The following IKBKB-DT variants were observed in gnomAD, a reference collection of about 807,000 sequenced individuals.
IKBKB-DT encodes the protein IKBKB divergent transcript.
At chr8:42,247,082 A>C (rs1457685019) in intron 3 of IKBKB-DT, among the ~76,000 whole-genome samples, 1 of 152,278 alleles carries the variant, frequency 6.6e-6, no homozygotes, top group East Asian at 1.9e-4. Flanking sequence ...AAAATGGTAG[A>C]TCCACCGACA....
rs184748109 is a variant in IKBKB-DT at position 42,245,032 on chromosome 8, G to A, written n.1530-11173C>T. 3.7e-3 allele frequency among the ~76,000 whole-genome samples: 558 copies of A among 152,028 alleles called. 6 individuals are homozygous for A. The highest frequency in any genetic ancestry group is 0.013 in the African/African-American group (521 of 41,450). ...TGGGAGGCCAAGGCAGGAGGATCAC[G>A]AGGTCAGGAGATTGAGACCATCCTG... is the stretch of plus-strand genomic sequence containing the variant. On this transcript the variant is annotated intron_variant and non_coding_transcript_variant, in intron 3 of 3. Transcript: ENST00000518213.
chr8:42,238,581 C>T (rs1163876425), intron 3 of IKBKB-DT, among the ~76,000 whole-genome samples: 3 of 152,150 alleles, frequency 2.0e-5, no homozygotes, highest in Admixed American at 6.5e-5. Context: ...TCCTATAATC[C>T]TTTACTGGTT....
chr8:42,242,998 A>G (rs557258532), intron 3 of IKBKB-DT, among the ~76,000 whole-genome samples: 1 of 152,364 alleles, frequency 6.6e-6, no homozygotes, highest in Admixed American at 6.5e-5. Flanking sequence ...AAGCCAGCTT[A>G]GGGGAAGAAG....
chr8:42,261,957 C>T (rs986892342), intron 3 of IKBKB-DT, among the ~76,000 whole-genome samples: 2 of 152,178 alleles, frequency 1.3e-5, no homozygotes, highest in Admixed American at 6.6e-5. Context: ...CCTCAGCAGG[C>T]GGATAGTCAT....
intron 3 of IKBKB-DT, among the ~76,000 whole-genome samples, chr8:42,247,001 G>C (rs771215948): frequency 2.6e-5 from 4 of 152,222 alleles, no homozygotes; most frequent in Non-Finnish European, 5.9e-5. Flanking sequence ...GGCCGCCACT[G>C]ATCTGACAGG....
At chr8:42,252,660 C>T (rs1350801292) in intron 3 of IKBKB-DT, among the ~76,000 whole-genome samples, 1 of 152,228 alleles carries the variant, frequency 6.6e-6, no homozygotes, top group African/African-American at 2.4e-5. Context: ...AGCCACTGCA[C>T]CCAGCCAAGA....
chr8:42,259,870 T>A (rs1449653493), intron 3 of IKBKB-DT, among the ~76,000 whole-genome samples: 3 of 151,686 alleles, frequency 2.0e-5, no homozygotes, highest in African/African-American at 7.3e-5. Context: ...TAATTTCAGC[T>A]ACTCGGGAGG....
chr8:42,240,758 C>T (rs1280348585), intron 3 of IKBKB-DT, among the ~76,000 whole-genome samples: 1 of 151,328 alleles, frequency 6.6e-6, no homozygotes, highest in Non-Finnish European at 1.5e-5. Context: ...GGGTGGATCA[C>T]AAGGTCAGGA....
intron 3 of IKBKB-DT, among the ~76,000 whole-genome samples, chr8:42,247,550 G>C (rs927293853): frequency 6.6e-6 from 1 of 152,152 alleles, no homozygotes; most frequent in Non-Finnish European, 1.5e-5. Context: ...GTTTTGAAAC[G>C]TGAAAGGGCC....
exon 1 of IKBKB-DT, chr8:42,271,234 G>T: frequency 1.5e-6 from 1 of 655,788 alleles, no homozygotes. Flanking sequence ...AGCACTCGCA[G>T]CATCCGGACC....
intron 3 of IKBKB-DT, among the ~76,000 whole-genome samples, chr8:42,258,145 A>G (rs1049524900): frequency 1.3e-5 from 2 of 152,186 alleles, no homozygotes; most frequent in South Asian, 2.1e-4. Context: ...CCAATACTCC[A>G]ATAAAACTTT....
At chr8:42,246,847 G>A (rs1357872221) in intron 3 of IKBKB-DT, among the ~76,000 whole-genome samples, 2 of 152,156 alleles carry the variant, frequency 1.3e-5, no homozygotes, top group Non-Finnish European at 2.9e-5. Context: ...TGGGGTTGGG[G>A]TGGGAGTGAG....
At position 42,260,802 on chromosome 8, in the gene IKBKB-DT, T is replaced by C. The variant is rs746278907; in HGVS notation, n.1529+2527A>G. 4.6e-5 allele frequency among the ~76,000 whole-genome samples: 7 copies of C among 151,840 alleles called. No homozygotes were observed. The South Asian group carries it at 6.2e-4, about 13-fold the overall frequency. ...TTTTTCCTTTTTCTTTTACAGAAAA[T>C]GTATACTTAGCAAATGACTGAAGAC... On this transcript the variant is annotated intron_variant and non_coding_transcript_variant, in intron 3 of 3. Coordinates refer to ENST00000518213, the Ensembl canonical transcript of IKBKB-DT.
At chr8:42,261,715 C>T (rs1051239417) in intron 3 of IKBKB-DT, among the ~76,000 whole-genome samples, 25 of 152,180 alleles carry the variant, frequency 1.6e-4, no homozygotes, top group African/African-American at 5.1e-4. Flanking sequence ...AAGTGTGTCC[C>T]GGGCTGCAGT....
chr8:42,265,195 T>C (rs1262593862), intron 2 of IKBKB-DT, among the ~76,000 whole-genome samples: 2 of 152,152 alleles, frequency 1.3e-5, no homozygotes, highest in Non-Finnish European at 1.5e-5. Context: ...TAGGTTCTTG[T>C]TATGTTTCCC....
In IKBKB-DT at chr8:42,250,839, C is replaced by T. The variant is rs924195789; in HGVS notation, n.1529+12490G>A. Among the ~76,000 whole-genome samples the T allele has an allele frequency of 7.9e-5, 12 of 152,152 alleles. No homozygotes were observed. In the South Asian group the frequency reaches 1.7e-3, roughly 21 times the overall value. On this transcript the variant is annotated intron_variant and non_coding_transcript_variant, in intron 3 of 3. Transcript: ENST00000518213. ...TCAAGGCTGCAGTGAGCTATGATCA[C>T]ACCACTGTACTCCAGCCTGGGCAAC...
At chr8:42,249,963 G>A (rs1399130477) in intron 3 of IKBKB-DT, among the ~76,000 whole-genome samples, 1 of 152,122 alleles carries the variant, frequency 6.6e-6, no homozygotes, top group African/African-American at 2.4e-5. Flanking sequence ...TAACTGCCCA[G>A]TGAATTCTTG....
intron 3 of IKBKB-DT, among the ~76,000 whole-genome samples, chr8:42,262,320 T>A (rs1240106298): frequency 6.9e-6 from 1 of 144,528 alleles, no homozygotes; most frequent in African/African-American, 2.6e-5. Flanking sequence ...CCACTTTATT[T>A]AAAAAAAAAA....
At chr8:42,244,823 C>T (rs1441889951) in intron 3 of IKBKB-DT, among the ~76,000 whole-genome samples, 1 of 152,232 alleles carries the variant, frequency 6.6e-6, no homozygotes, top group Non-Finnish European at 1.5e-5. Context: ...CTGAACTGCA[C>T]TTCAGTGCTA....
Sources: gnomAD v4.1 joint callset for allele counts (sites outside exome capture counted in the v4.1 genomes callset) on GRCh38, gnomAD v4.1.1 for gene constraint, MANE v1.5 for transcripts, NCBI Gene and HGNC (gene_info 2026-07-23, HGNC 2026-07-21) for gene names.